ATP2B2: variants seen among roughly 807,000 people sequenced by gnomAD.
ATP2B2 encodes ATPase plasma membrane Ca2+ transporting 2.
ATP2B2 carries 15 observed loss-of-function variants against 120.0 expected under a neutral mutation model. That is an observed-to-expected ratio of 0.12 (90% CI 0.08 to 0.19). ATP2B2 has a LOEUF of 0.19. Ranked by LOEUF, ATP2B2 falls within the 10% of genes least tolerant of loss-of-function variation. The pLI is 1.00. For synonymous variants in ATP2B2, 694 were observed against 700.3 expected (o/e 0.99, Z 0.14); for missense variants, 1,045 against 1,719.8 (o/e 0.61, Z 6.94).
intron 3 of ATP2B2, among the ~76,000 whole-genome samples, chr3:10,407,932 G>A (rs370276997): frequency 1.4e-4 from 21 of 152,296 alleles, no homozygotes; most frequent in African/African-American, 4.3e-4. Context: ...ATGGAGGGCC[G>A]GCCTGGGTCC....
At chr3:10,360,411 G>C (rs191880691) in intron 12 of ATP2B2, among the ~76,000 whole-genome samples, 1 of 152,308 alleles carries the variant, frequency 6.6e-6, no homozygotes, top group East Asian at 1.9e-4. Flanking sequence ...CTATCATCCA[G>C]CTTTGTAGCA....
intron 2 of ATP2B2, among the ~76,000 whole-genome samples, chr3:10,546,487 T>C (rs2067550062): frequency 6.6e-6 from 1 of 152,142 alleles, no homozygotes; most frequent in Non-Finnish European, 1.5e-5. Context: ...CTTTGCCTGG[T>C]CCCGCCCCAG....
At chr3:10,663,512 C>T (rs2070843460) in intron 1 of ATP2B2, among the ~76,000 whole-genome samples, 1 of 152,152 alleles carries the variant, frequency 6.6e-6, no homozygotes, top group African/African-American at 2.4e-5. Flanking sequence ...AGCAGTGGTC[C>T]AGCCCAGGGA....
intron 1 of ATP2B2, among the ~76,000 whole-genome samples, chr3:10,643,441 T>C (rs748097947): frequency 1.3e-5 from 2 of 152,224 alleles, no homozygotes; most frequent in Non-Finnish European, 2.9e-5. Context: ...ATTATTTACC[T>C]AGTCTTCAAG....
At chr3:10,623,573 G>A (rs1157093355) in intron 1 of ATP2B2, among the ~76,000 whole-genome samples, 2 of 152,188 alleles carry the variant, frequency 1.3e-5, no homozygotes, top group African/African-American at 4.8e-5. Flanking sequence ...ACACCTCCAA[G>A]CACTTTTATC....
At chr3:10,684,015 C>T (rs1286948281) in intron 1 of ATP2B2, among the ~76,000 whole-genome samples, 2 of 152,008 alleles carry the variant, frequency 1.3e-5, no homozygotes, top group African/African-American at 4.8e-5. Flanking sequence ...TTGTAGTGAG[C>T]AGCTCCATTG....
intron 5 of ATP2B2, among the ~76,000 whole-genome samples, chr3:10,391,213 T>C (rs1319102787): frequency 6.6e-6 from 1 of 151,790 alleles, no homozygotes; most frequent in Non-Finnish European, 1.5e-5. Context: ...AGGCTCAGAG[T>C]GGAGGGGTGG....
chr3:10,558,487 A>G (rs758750599), intron 2 of ATP2B2, among the ~76,000 whole-genome samples: 2 of 152,150 alleles, frequency 1.3e-5, no homozygotes, highest in Non-Finnish European at 2.9e-5. Context: ...CCACGCAAGG[A>G]GAGGATGTCT....
At chr3:10,683,760 G>GTATATATATATA (rs71055831) in intron 1 of ATP2B2, among the ~76,000 whole-genome samples, 13 of 53,894 alleles carry the variant, frequency 2.4e-4, no homozygotes, top group Non-Finnish European at 2.7e-4. Flanking sequence ...GTGTGTGTGT[G>GTATATATATATA]TATATATATA....
Position 10,402,480 on chromosome 3 carries a change from T to C in ATP2B2, c.398-132A>G, listed in dbSNP as rs2062255514. 25 of 1,338,694 alleles carry C rather than the reference T, an allele frequency of 1.9e-5. No homozygotes were observed. The South Asian group carries it at 3.0e-4, about 16-fold the overall frequency. The allele number at this position is 1,338,694 out of a possible 1,614,324, so 82.9% of individuals were successfully genotyped here. A position where few individuals can be genotyped will look rare whatever the true frequency, so the allele number is the denominator to read the frequency against. ...AGATGATAATTATCCACTTACTCAG[T>C]GTGTCTGGGTACCAAGCCCTGTGGA... is the stretch of plus-strand genomic sequence containing the variant. On this transcript the variant is annotated intron_variant, in intron 3 of 22. Transcript: ENST00000360273. This position sits in a 1 kb window ranked among gnomAD's most constrained non-coding sequence, Gnocchi z 4.9.
At chr3:10,696,726 G>C (rs986855600) in intron 1 of ATP2B2, among the ~76,000 whole-genome samples, 1 of 152,230 alleles carries the variant, frequency 6.6e-6, no homozygotes, top group Non-Finnish European at 1.5e-5. Context: ...GGGCAAGAGA[G>C]AATGCTAGAA....
chr3:10,663,843 C>T (rs554835043), intron 1 of ATP2B2, among the ~76,000 whole-genome samples: 1 of 152,276 alleles, frequency 6.6e-6, no homozygotes, highest in African/African-American at 2.4e-5. Context: ...AAGACACACC[C>T]ATCTCTTTCA....
intron 2 of ATP2B2, among the ~76,000 whole-genome samples, chr3:10,414,283 T>C (rs2062710057): frequency 6.6e-6 from 1 of 152,114 alleles, no homozygotes; most frequent in African/African-American, 2.4e-5. Flanking sequence ...TAGTTGATAA[T>C]GTGGGTGTTC....
chr3:10,486,324 CGTGTGT>C lies in ATP2B2; in HGVS notation c.-320+19135_-320+19140del, dbSNP rs1553616064. ...AACAGCAGCCAGGTGTGTGTGCGTG[CGTGTGT>C]GTGTGTGTGTGTGTGTGTGTGTGTG... On this transcript the variant is annotated intron_variant, in intron 1 of 22. Coordinates refer to ENST00000360273, the MANE Select transcript of ATP2B2 (RefSeq NM_001001331.4). Among the ~76,000 whole-genome samples the C allele has an allele frequency of 3.0e-3, 352 of 117,170 alleles. 3 individuals carry two copies. The highest frequency in any genetic ancestry group is 0.015 in the Admixed American group (181 of 12,152). 76.9% of individuals were successfully genotyped at this position (117,170 alleles called of 152,430 possible).
At chr3:10,555,175 G>A (rs752939948) in intron 2 of ATP2B2, among the ~76,000 whole-genome samples, 4 of 152,256 alleles carry the variant, frequency 2.6e-5, no homozygotes, top group Non-Finnish European at 5.9e-5. Flanking sequence ...TAAAATGTGA[G>A]CACACAGTAG....
chr3:10,655,736 T>C (rs555133863), intron 1 of ATP2B2, among the ~76,000 whole-genome samples: 1 of 152,202 alleles, frequency 6.6e-6, no homozygotes, highest in African/African-American at 2.4e-5. Flanking sequence ...TTTCTCTCTA[T>C]TTCTTCCTAC....
rs775368542 is a variant in ATP2B2, at chr3:10,449,547, T to C, written c.-4A>G. ...CGCTGTTGGTCATGTCACCCATGTT[T>C]GCTGCGGTCCTTGCTCGGGCTGGGC... is the stretch of plus-strand genomic sequence containing the variant. On this transcript the variant is annotated 5_prime_UTR_variant, in exon 2 of 23. Transcript: ENST00000360273. The C allele has an allele frequency of 2.1e-5, 34 of 1,614,130 alleles. No homozygotes were observed. Among genetic ancestry groups the C allele is most frequent in the Non-Finnish European group, 2.9e-5 (34 of 1,180,054 alleles).
intron 1 of ATP2B2, among the ~76,000 whole-genome samples, chr3:10,669,396 C>A (rs953056642): frequency 5.9e-5 from 9 of 152,180 alleles, no homozygotes; most frequent in African/African-American, 2.2e-4. Flanking sequence ...CATTCCTATT[C>A]TGCAGGTCCA....
At chr3:10,623,529 T>A (rs2069608802) in intron 1 of ATP2B2, among the ~76,000 whole-genome samples, 1 of 151,008 alleles carries the variant, frequency 6.6e-6, no homozygotes, top group Admixed American at 6.6e-5. Context: ...TAACTTGGGG[T>A]GGCAATCAGG....
Sources: allele counts gnomAD v4.1 joint callset (sites outside exome capture counted in the v4.1 genomes callset), GRCh38; gene constraint gnomAD v4.1.1; non-coding constraint Gnocchi (gnomAD v3.1); transcripts MANE v1.5; gene names NCBI Gene and HGNC (gene_info 2026-07-23, HGNC 2026-07-21).